FANCD2: variants seen among roughly 807,000 people sequenced by gnomAD.
The protein encoded by FANCD2 is FA complementation group D2, also known as Fanconi anemia group D2 protein.
FANCD2 carries 131 observed loss-of-function variants against 192.3 expected under a neutral mutation model. The ratio of observed to expected loss-of-function variants is 0.68; its 90% CI spans 0.59 to 0.79. The LOEUF (loss-of-function observed/expected upper bound fraction) is 0.79, where lower values mean the gene tolerates loss of function less well. Ranked by LOEUF, FANCD2 falls within the 30% of genes least tolerant of loss-of-function variation. The probability of loss-of-function intolerance (pLI) is 0.00; values close to 1 mark genes in which losing one functional copy is unlikely to be tolerated. For missense variants in FANCD2, 1,508 were observed against 1,701.6 expected (o/e 0.89, Z 2.00); for synonymous variants, 524 against 612.5 (o/e 0.86, Z 2.13).
chr3:10,028,094 T>C (rs945027996), intron 1 of FANCD2, among the ~76,000 whole-genome samples: 5 of 150,548 alleles, frequency 3.3e-5, no homozygotes, highest in Non-Finnish European at 7.4e-5. Context: ...CCCTAAGAAA[T>C]GGTCCTTGCT....
intron 5 of FANCD2, 52 bp downstream of exon 5, chr3:10,034,850 T>C (rs2086691685): frequency 1.5e-6 from 2 of 1,297,958 alleles, no homozygotes; most frequent in Non-Finnish European, 2.2e-6. Context: ...TTTTGCCAAC[T>C]TCATGGGGCT....
intron 7 of FANCD2, among the ~76,000 whole-genome samples, chr3:10,037,887 C>G (rs1559372226): frequency 6.6e-6 from 1 of 152,160 alleles, no homozygotes; most frequent in Non-Finnish European, 1.5e-5. Context: ...CACACATACA[C>G]ATATGTATAT....
intron 32 of FANCD2, among the ~76,000 whole-genome samples, chr3:10,083,963 T>G (rs895268003): frequency 2.0e-5 from 3 of 151,748 alleles, no homozygotes; most frequent in Admixed American, 2.0e-4. Flanking sequence ...GCCTGTGGTT[T>G]TACATAGTAT....
At chr3:10,072,051 A>T (rs1352106243) in intron 26 of FANCD2, among the ~76,000 whole-genome samples, 1 of 151,914 alleles carries the variant, frequency 6.6e-6, no homozygotes, top group Non-Finnish European at 1.5e-5. Context: ...TGAGCCAGAG[A>T]GCCCAGCCAA....
intron 18 of FANCD2, among the ~76,000 whole-genome samples, chr3:10,057,525 C>T (rs1190108166): frequency 2.0e-5 from 3 of 152,024 alleles, no homozygotes; most frequent in Non-Finnish European, 2.9e-5. Context: ...CCACAACGCC[C>T]AGTTAATTTT....
rs551772768 is a variant in FANCD2 at position 10,084,961 on chromosome 3, A to G, written c.3225-851A>G. ...AGAACACTCAAAAGGTGTCACTATG[A>G]TCTACACATGTATTGATAGGGGCCT... On this transcript the variant is annotated intron_variant, in intron 32 of 43. Coordinates refer to ENST00000675286, the MANE Select transcript of FANCD2 (RefSeq NM_001018115.3). Among the ~76,000 whole-genome samples the G allele has an allele frequency of 9.2e-5, 14 of 152,334 alleles. 1 individual carries two copies. In the South Asian group the frequency reaches 2.9e-3, roughly 32 times the overall value.
intron 26 of FANCD2, 32 bp downstream of exon 26, chr3:10,067,349 C>A: frequency 7.7e-7 from 1 of 1,291,318 alleles, no homozygotes; most frequent in Non-Finnish European, 1.1e-6. Context: ...GGTAGTACTA[C>A]TAGGCCAGTA....
intron 36 of FANCD2, among the ~76,000 whole-genome samples, chr3:10,089,725 C>T (rs1203462241): frequency 6.6e-6 from 1 of 152,200 alleles, no homozygotes; most frequent in Non-Finnish European, 1.5e-5. Flanking sequence ...GCCTCGGCCT[C>T]TCAAAGTGCT....
chr3:10,038,445 G>A (rs983001339), intron 7 of FANCD2, among the ~76,000 whole-genome samples: 5 of 152,144 alleles, frequency 3.3e-5, no homozygotes, highest in Non-Finnish European at 5.9e-5. Context: ...TAGGAGGCTC[G>A]AAGGAAGGTG....
chr3:10,058,184 C>T (rs552308983), intron 18 of FANCD2: 18 of 312,636 alleles, frequency 5.8e-5, no homozygotes, highest in Middle Eastern at 5.6e-4. Flanking sequence ...CACGAAGAGA[C>T]CGTGGAGATT....
At chr3:10,055,799 G>A (rs965022432) in intron 18 of FANCD2, among the ~76,000 whole-genome samples, 10 of 151,402 alleles carry the variant, frequency 6.6e-5, no homozygotes, top group Admixed American at 1.3e-4. Flanking sequence ...GAGACAGAGC[G>A]AGACTCTGTC....
At chr3:10,070,329 G>A (rs1257414784) in intron 26 of FANCD2, among the ~76,000 whole-genome samples, 2 of 148,904 alleles carry the variant, frequency 1.3e-5, no homozygotes, top group African/African-American at 2.5e-5. Context: ...CGGGAGGGAG[G>A]TGGGGGTCAG....
intron 10 of FANCD2, 71 bp from the exon 11 acceptor site, chr3:10,042,488 T>C (rs2086889724): frequency 8.4e-7 from 1 of 1,185,322 alleles, no homozygotes; most frequent in Non-Finnish European, 1.3e-6. Flanking sequence ...TCTAATTTTA[T>C]CTAACAGTTC....
intron 5 of FANCD2, 57 bp from the exon 6 acceptor site, chr3:10,035,116 T>C: frequency 7.1e-7 from 1 of 1,403,592 alleles, no homozygotes; most frequent in African/African-American, 1.4e-5. Context: ...GAAAAGATGA[T>C]AAAAGCATTA....
chr3:10,094,392 A>G, intron 40 of FANCD2, 29 bp downstream of exon 40: 3 of 1,580,380 alleles, frequency 1.9e-6, no homozygotes, highest in South Asian at 1.1e-5. Context: ...GAACAAAGAT[A>G]TGCACTGAAG....
chr3:10,027,904 C>CAAAAAAAAA (rs145483323), intron 1 of FANCD2, among the ~76,000 whole-genome samples: 9 of 66,514 alleles, frequency 1.4e-4, no homozygotes, highest in African/African-American at 4.1e-4. Flanking sequence ...GACTCCGTCT[C>CAAAAAAAAA]AAAAAAAAAA....
At position 10,045,088 on chromosome 3, in the gene FANCD2, GTT is replaced by G. The variant is rs76340293; in HGVS notation, c.1134+1236_1134+1237del. 6.8e-4 allele frequency among the ~76,000 whole-genome samples: 88 copies of G among 128,914 alleles called. 2 individuals are homozygous for G. The highest frequency in any genetic ancestry group is 4.0e-3 in the Middle Eastern group (1 of 250). 84.6% of individuals were successfully genotyped at this position (128,914 alleles called of 152,430 possible). ...GTTTGTCCTGCTTGCCTTTTTAACT[GTT>G]TTTTTTTTTTTCCTGGAAGCATAGA... On this transcript the variant is annotated intron_variant, in intron 14 of 43. Coordinates refer to ENST00000675286, the MANE Select transcript of FANCD2 (RefSeq NM_001018115.3).
At chr3:10,054,419 ATATATACATGTATATACATG>A (rs36211699) in intron 18 of FANCD2, among the ~76,000 whole-genome samples, 2 of 91,946 alleles carry the variant, frequency 2.2e-5, no homozygotes, top group Non-Finnish European at 3.8e-5. Flanking sequence ...ACGTATATAC[ATATATACATGTATATACATG>A]TATATACATA....
At position 10,028,705 on chromosome 3, in the gene FANCD2, G is replaced by T. The variant is rs925051964; in HGVS notation, c.48G>T (p.Leu16=). Residue 16 remains leucine (L), a synonymous_variant, in exon 2 of 44, where the codon CTG becomes CTT. Transcript: ENST00000675286. ...RLSKSEDKES[L]TEDASKTRKQ... Reference sequence around the variant, plus strand: ...CAAAATCTGAGGATAAAGAGAGCCTGACAGAAGATGCCTCCAGTAAGTATC... The same window carrying T: ...CAAAATCTGAGGATAAAGAGAGCCTTACAGAAGATGCCTCCAGTAAGTATC... The T allele has an allele frequency of 2.5e-6, 4 of 1,613,862 alleles. No individual in the cohort carries two copies. Among genetic ancestry groups the T allele is most frequent in the Non-Finnish European group, 3.4e-6 (4 of 1,179,854 alleles).
Sources: gnomAD v4.1 joint callset for allele counts (sites outside exome capture counted in the v4.1 genomes callset) on GRCh38, gnomAD v4.1.1 for gene constraint, MANE v1.5 for transcripts, NCBI Gene and HGNC (gene_info 2026-07-23, HGNC 2026-07-21) for gene names.